CTXND2: variants seen among roughly 807,000 people sequenced by gnomAD.
CTXND2 encodes the protein cortexin domain containing 2.
intron 1 of CTXND2, among the ~76,000 whole-genome samples, chr1:150,901,060 C>A (rs1669016316): frequency 6.6e-6 from 1 of 151,652 alleles, no homozygotes; most frequent in Non-Finnish European, 1.5e-5. Context: ...TGCAGTGAGC[C>A]ACGATCATGC....
At chr1:150,889,359 C>G (rs1338717514) in intron 1 of CTXND2, among the ~76,000 whole-genome samples, 1 of 148,874 alleles carries the variant, frequency 6.7e-6, no homozygotes, top group Non-Finnish European at 1.5e-5. Context: ...GAGATCGCAC[C>G]ACTGCACTCC....
chr1:150,891,453 T>A (rs920961032), intron 1 of CTXND2, among the ~76,000 whole-genome samples: 8 of 152,224 alleles, frequency 5.3e-5, no homozygotes, highest in Non-Finnish European at 1.2e-4. Flanking sequence ...GACCTCGTGA[T>A]CTGCCTGCCT....
chr1:150,902,113 A>C (rs1669048526), intron 1 of CTXND2, among the ~76,000 whole-genome samples: 1 of 151,632 alleles, frequency 6.6e-6, no homozygotes, highest in South Asian at 2.1e-4. Context: ...TAAAAATACA[A>C]AAATTTGGCT....
At chr1:150,901,121 CAAACAG>C (rs1170620101) in intron 1 of CTXND2, among the ~76,000 whole-genome samples, 1 of 151,818 alleles carries the variant, frequency 6.6e-6, no homozygotes, top group East Asian at 1.9e-4. Flanking sequence ...CAGAAAAACA[CAAACAG>C]AAAGAATGAA....
intron 1 of CTXND2, among the ~76,000 whole-genome samples, chr1:150,892,607 C>T (rs1367896038): frequency 4.7e-5 from 7 of 149,730 alleles, no homozygotes; most frequent in African/African-American, 1.7e-4. Flanking sequence ...GAAATGAACT[C>T]GGCTCACTGC....
intron 1 of CTXND2, among the ~76,000 whole-genome samples, chr1:150,907,306 A>G (rs1669166115): frequency 6.6e-6 from 1 of 152,058 alleles, no homozygotes; most frequent in Non-Finnish European, 1.5e-5. Context: ...CCAAAAGAAA[A>G]CCTGTATCAT....
At chr1:150,887,899 G>A (rs1668793917) in intron 1 of CTXND2, among the ~76,000 whole-genome samples, 1 of 150,838 alleles carries the variant, frequency 6.6e-6, no homozygotes, top group Non-Finnish European at 1.5e-5. Flanking sequence ...GGAACTGAAA[G>A]TGGAATTGAT....
intron 1 of CTXND2, among the ~76,000 whole-genome samples, chr1:150,901,712 A>T (rs973518550): frequency 2.0e-5 from 3 of 151,378 alleles, no homozygotes; most frequent in African/African-American, 7.3e-5. Flanking sequence ...CAGGAGATCA[A>T]GACCATCCTG....
intron 1 of CTXND2, among the ~76,000 whole-genome samples, chr1:150,905,678 C>G (rs1490428153): frequency 6.6e-6 from 1 of 152,114 alleles, no homozygotes; most frequent in Non-Finnish European, 1.5e-5. Context: ...ACTCCCACCC[C>G]TTGTCCCACC....
intron 1 of CTXND2, among the ~76,000 whole-genome samples, chr1:150,907,537 A>G (rs897638140): frequency 6.6e-6 from 1 of 152,128 alleles, no homozygotes; most frequent in Non-Finnish European, 1.5e-5. Flanking sequence ...GACATACCAC[A>G]CTTTGCTTAT....
At chr1:150,902,404 CA>C (rs796914143) in intron 1 of CTXND2, among the ~76,000 whole-genome samples, 1,338 of 123,792 alleles carry the variant, frequency 0.011, 18 homozygotes, top group African/African-American at 0.03. Flanking sequence ...GAGACTGCCT[CA>C]AAAAAAAAAA....
chr1:150,895,641 C>G (rs937625148), intron 1 of CTXND2, among the ~76,000 whole-genome samples: 2 of 152,174 alleles, frequency 1.3e-5, no homozygotes, highest in African/African-American at 4.8e-5. Context: ...GCCACTGCAC[C>G]CGGCCATGAA....
chr1:150,887,690 G>T (rs2102591797), intron 1 of CTXND2, among the ~76,000 whole-genome samples: 1 of 152,102 alleles, frequency 6.6e-6, no homozygotes, highest in South Asian at 2.1e-4. Context: ...TGATTTTAAG[G>T]ATTATAGTAA....
At chr1:150,894,811 G>A (rs1668893320) in intron 1 of CTXND2, among the ~76,000 whole-genome samples, 1 of 152,072 alleles carries the variant, frequency 6.6e-6, no homozygotes, top group Admixed American at 6.6e-5. Context: ...TGAGGCGGGT[G>A]GATCACCTGA....
At chr1:150,888,042 A>G (rs1013490184) in intron 1 of CTXND2, among the ~76,000 whole-genome samples, 4 of 148,932 alleles carry the variant, frequency 2.7e-5, no homozygotes, top group Admixed American at 6.9e-5. Context: ...ACTCATCTCA[A>G]ACAAAACAAG....
chr1:150,907,719 T>A (rs1669175122), intron 1 of CTXND2, among the ~76,000 whole-genome samples: 1 of 144,970 alleles, frequency 6.9e-6, no homozygotes, highest in Admixed American at 6.9e-5. Context: ...TTTTTTTTTT[T>A]TTTTTTTTGA....
intron 1 of CTXND2, among the ~76,000 whole-genome samples, chr1:150,910,070 G>T (rs1269342626): frequency 6.7e-6 from 1 of 149,844 alleles, no homozygotes; most frequent in Non-Finnish European, 1.5e-5. Context: ...TAAAACAAAT[G>T]TAAGTTTTAA....
At chr1:150,910,277 G>A (rs587634793) in intron 1 of CTXND2, among the ~76,000 whole-genome samples, 2 of 151,652 alleles carry the variant, frequency 1.3e-5, no homozygotes, top group East Asian at 1.9e-4. Context: ...TTACAGGTGT[G>A]TGCTACCACA....
rs1668927490 is a variant in CTXND2, at chr1:150,897,531, C to G, written c.-74+10218C>G. The stretch of plus-strand genomic sequence containing the variant: ...TAGAAATGGGGTTTCTCCATGTTGC[C>G]TAGGCTGGTCTCAAACTCCAAGCTC... On this transcript the variant is annotated intron_variant, in intron 1 of 1. Coordinates refer to ENST00000636087, the Ensembl canonical transcript of CTXND2. 2.0e-5 allele frequency among the ~76,000 whole-genome samples: 3 copies of G among 152,108 alleles called. No homozygotes were observed. The South Asian group carries it at 6.2e-4, about 32-fold the overall frequency.
Sources: allele counts gnomAD v4.1 joint callset (sites outside exome capture counted in the v4.1 genomes callset), GRCh38; gene constraint gnomAD v4.1.1; transcripts MANE v1.5; gene names NCBI Gene and HGNC (gene_info 2026-07-23, HGNC 2026-07-21).